The following MEAK7 variants were observed in gnomAD, a reference collection of about 807,000 sequenced individuals.
The protein encoded by MEAK7 is MTOR associated protein MEAK7, also known as MTOR-associated protein MEAK7.
MEAK7 carries 68 observed loss-of-function variants against 40.5 expected under a neutral mutation model. The ratio of observed to expected loss-of-function variants is 1.68; its 90% confidence interval spans 1.38 to 2.06. The LOEUF (loss-of-function observed/expected upper bound fraction) is 2.06, where lower values mean the gene tolerates loss of function less well. MEAK7 is among the 30% of genes most tolerant of loss of function. MEAK7 has a pLI of 0.00. For missense variants in MEAK7, 918 were observed against 580.5 expected (o/e 1.58, Z -5.98); for synonymous variants, 338 against 231.9 (o/e 1.46, Z -4.16).
At chr16:84,482,869 G>T (rs1912701318) in intron 5 of MEAK7, among the ~76,000 whole-genome samples, 159 bp from the exon 6 acceptor site, 2 of 152,214 alleles carry the variant, frequency 1.3e-5, no homozygotes, top group Admixed American at 1.3e-4. Flanking sequence ...CAAGCTGCTA[G>T]GGACCCAGGT....
chr16:84,483,148 A>T (rs1912726955), intron 5 of MEAK7, among the ~76,000 whole-genome samples: 1 of 152,216 alleles, frequency 6.6e-6, no homozygotes, highest in Non-Finnish European at 1.5e-5. Flanking sequence ...GCCTGAAAGA[A>T]CGTACCATGC....
chr16:84,483,790 G>A (rs1466394296), intron 5 of MEAK7, among the ~76,000 whole-genome samples: 1 of 152,196 alleles, frequency 6.6e-6, no homozygotes, highest in Non-Finnish European at 1.5e-5. Context: ...GCTGGCTGGG[G>A]CAAGAGTCCC....
chr16:84,497,551 C>A, intron 2 of MEAK7: 1 of 1,293,784 alleles, frequency 7.7e-7, no homozygotes. Flanking sequence ...TCAAGAGACA[C>A]ACGAGGCAGG....
chr16:84,497,649 T>C lies in MEAK7; in HGVS notation c.153+285A>G, dbSNP rs1188263267. 1.5e-5 allele frequency: 21 copies of C among 1,416,504 alleles called. No homozygotes were observed. The Admixed American group carries it at 3.2e-4, about 21-fold the overall frequency. 87.7% of individuals were successfully genotyped at this position (1,416,504 alleles called of 1,614,324 possible). On this transcript the variant is annotated intron_variant, in intron 2 of 7. Transcript: ENST00000343629. ...TCATTATCTACTCCAGGTTCCTTTC[T>C]GTAGTACAGATAAGAGACTATTGAT...
rs770158835 is a variant in MEAK7, at chr16:84,479,975, G to C, written c.1309C>G (p.Leu437Val). Residue 437 changes from leucine to valine, a missense_variant, in exon 8 of 8, where the codon CTG becomes GTG. By Grantham distance (32) the Leu-to-Val change is conservative. Coordinates refer to ENST00000343629, the MANE Select transcript of MEAK7 (RefSeq NM_020947.4). ...LDADPEAQAL[L>V]EISGHSRHSE... ...TGGCGCGAATGCCCACTGATCTCCA[G>C]CAGGGCCTGGGCCTCAGGGTCCGCA... 2 of 1,609,656 alleles carry C rather than the reference G, an allele frequency of 1.2e-6. No individual in the cohort carries two copies. The highest frequency in any genetic ancestry group is 1.1e-5 in the South Asian group (1 of 90,568).
intron 5 of MEAK7, among the ~76,000 whole-genome samples, chr16:84,484,106 G>C (rs1021078793): frequency 6.6e-6 from 1 of 152,188 alleles, no homozygotes; most frequent in Non-Finnish European, 1.5e-5. Context: ...TCCTGAGCCC[G>C]TCTTGCTGCG....
rs369348901 is a variant in MEAK7, at chr16:84,495,905, G to T, written c.162C>A (p.Val54=). Residue 54 remains valine (V), a synonymous_variant, in exon 3 of 8, where the codon GTC becomes GTA. Transcript: ENST00000343629. Reference sequence around the variant, plus strand: ...CCATCTCTGGGGGAAGAGCTTCCCCGACGTGGTTCTGCCGGGGACAAGCAG... The same window carrying T: ...CCATCTCTGGGGGAAGAGCTTCCCCTACGTGGTTCTGCCGGGGACAAGCAG... ...SFSLKALQNH[V]GEALPPEMVT... The T allele has an allele frequency of 1.9e-6, 3 of 1,613,918 alleles. No homozygotes were observed. In the South Asian group the frequency reaches 3.3e-5, roughly 18 times the overall value.
At position 84,480,140 on chromosome 16, in the gene MEAK7, G is replaced by A. The variant is rs1032518710; in HGVS notation, c.1258-114C>T. 4 of 822,914 alleles carry A rather than the reference G, an allele frequency of 4.9e-6. No individual in the cohort carries two copies. In the African/African-American group the frequency reaches 7.0e-5, roughly 14 times the overall value. 51.0% of individuals were successfully genotyped at this position (822,914 alleles called of 1,614,324 possible). ...GAATCAGGCTCCGGTTCCCCCTAAG[G>A]CCCCTCCCACTCTGGGATTCAGTGG... On this transcript the variant is annotated intron_variant, in intron 7 of 7. Coordinates refer to ENST00000343629, the MANE Select transcript of MEAK7 (RefSeq NM_020947.4).
chr16:84,482,703 G>A lies in MEAK7; in HGVS notation c.966C>T (p.Asn322=), dbSNP rs433293. Residue 322 remains asparagine (N), a synonymous_variant, in exon 6 of 8, where the codon AAC becomes AAT. Coordinates refer to ENST00000343629, the MANE Select transcript of MEAK7 (RefSeq NM_020947.4). ...GGCAGATGGAGAACAGGAAGCATCT[G>A]TTGTCCCCTGAAAGTAGCCAGAGAA... ...WEVKPQFQGD[N]RCFLFSICPS... 695,303 of 1,613,528 alleles carry A rather than the reference G, an allele frequency of 0.43. 153,584 individuals carry two copies. The highest frequency in any genetic ancestry group is 0.57 in the South Asian group (51,743 of 91,068).
chr16:84,488,533 C>A (rs1345006154), intron 4 of MEAK7: 1 of 152,054 alleles, frequency 6.6e-6, no homozygotes, highest in African/African-American at 2.4e-5. Context: ...AGTGACCATA[C>A]TATAGGCCAT....
Position 84,497,569 on chromosome 16 carries a change from T to G in MEAK7, c.153+365A>C, listed in dbSNP as rs1914152426. The G allele has an allele frequency of 6.2e-6, 8 of 1,299,494 alleles. No homozygotes were observed. In the Middle Eastern group the frequency reaches 6.3e-4, roughly 102 times the overall value. 80.5% of individuals were successfully genotyped at this position (1,299,494 alleles called of 1,614,324 possible). On this transcript the variant is annotated intron_variant, in intron 2 of 7. Coordinates refer to ENST00000343629, the MANE Select transcript of MEAK7 (RefSeq NM_020947.4). ...AGAGACACACGAGGCAGGCTATCTC[T>G]CTCCTCTGATGTTCATCTCAAGTTA...
chr16:84,490,248 C>G (rs1374691767), intron 3 of MEAK7, among the ~76,000 whole-genome samples: 1 of 150,682 alleles, frequency 6.6e-6, no homozygotes, highest in South Asian at 2.1e-4. Flanking sequence ...GGAAACAAGG[C>G]CTCTGAATTG....
intron 7 of MEAK7, among the ~76,000 whole-genome samples, chr16:84,480,243 C>G (rs937116248): frequency 1.3e-5 from 2 of 152,088 alleles, no homozygotes; most frequent in Admixed American, 6.5e-5. Flanking sequence ...GCGGAAGGAA[C>G]CCTAGACATT....
intron 3 of MEAK7, among the ~76,000 whole-genome samples, chr16:84,492,864 C>G (rs441718): frequency 0.78 from 118,791 of 152,174 alleles, 49,861 homozygotes; most frequent in Non-Finnish European, 0.94. Context: ...TTACAGGCGT[C>G]AGCCACTACG....
intron 1 of MEAK7, 50 bp downstream of exon 1, chr16:84,504,551 G>C (rs1914745755): frequency 2.1e-6 from 2 of 973,516 alleles, no homozygotes; most frequent in Non-Finnish European, 2.4e-6. Context: ...GACTCAGCTG[G>C]GCCTGCGCCT....
intron 3 of MEAK7, 101 bp from the exon 4 acceptor site, chr16:84,489,523 G>C: frequency 7.5e-7 from 1 of 1,336,000 alleles, no homozygotes; most frequent in Non-Finnish European, 1.0e-6. Context: ...CACCAACTAT[G>C]ATGGGCCACA....
At chr16:84,491,454 G>A (rs915810263) in intron 3 of MEAK7, among the ~76,000 whole-genome samples, 6 of 150,520 alleles carry the variant, frequency 4.0e-5, no homozygotes, top group Non-Finnish European at 8.8e-5. Flanking sequence ...CAGGAGAATC[G>A]CTTGAGCCTG....
chr16:84,485,077 G>A (rs1444680385), intron 5 of MEAK7, among the ~76,000 whole-genome samples: 1 of 152,318 alleles, frequency 6.6e-6, no homozygotes, highest in East Asian at 1.9e-4. Flanking sequence ...AGAGCAATGT[G>A]TAATTTCCCC....
chr16:84,480,269 G>A (rs1912409924), intron 7 of MEAK7, among the ~76,000 whole-genome samples: 1 of 152,112 alleles, frequency 6.6e-6, no homozygotes. Flanking sequence ...TCTTGCAGGT[G>A]GGCAGAGAGA....
Sources: gnomAD v4.1 joint callset for allele counts (sites outside exome capture counted in the v4.1 genomes callset) on GRCh38, gnomAD v4.1.1 for gene constraint, MANE v1.5 for transcripts, NCBI Gene and HGNC (gene_info 2026-07-23, HGNC 2026-07-21) for gene names.